Variants in TENM3 observed in about 807,000 individuals in gnomAD.
TENM3 encodes teneurin-3.
Under a neutral mutation model 255.1 loss-of-function variants are expected in TENM3, and 63 were observed. The observed-to-expected ratio is 0.25, with a 90% CI of 0.20 to 0.30. The LOEUF (loss-of-function observed/expected upper bound fraction) is 0.30. Ranked by LOEUF, TENM3 falls within the 10% of genes least tolerant of loss-of-function variation. TENM3 has a pLI of 1.00. For synonymous variants in TENM3, 1,306 were observed against 1,322.3 expected (o/e 0.99, Z 0.27); for missense variants, 2,929 against 3,461.1 (o/e 0.85, Z 3.86).
At chr4:181,664,486 C>A in the TENM3 span, among the ~76,000 whole-genome samples, 282 of 115,960 alleles carry the variant, frequency 2.4e-3, 1 homozygote, top group African/African-American at 6.5e-3. Flanking sequence ...TAAAAAAAAA[C>A]AAAACAAAAA....
At chr4:181,992,771 A>T in the TENM3 span, among the ~76,000 whole-genome samples, 1 of 152,200 alleles carries the variant, frequency 6.6e-6, no homozygotes, top group African/African-American at 2.4e-5. Context: ...AATTGACAAC[A>T]TCACTTTATC....
At chr4:181,560,222 G>A in the TENM3 span, among the ~76,000 whole-genome samples, 2 of 152,228 alleles carry the variant, frequency 1.3e-5, no homozygotes, top group South Asian at 2.1e-4. Flanking sequence ...GCTTCACATG[G>A]CAGAAGGAGT....
chr4:182,048,693 C>T, the TENM3 span, among the ~76,000 whole-genome samples: 1 of 152,116 alleles, frequency 6.6e-6, no homozygotes, highest in African/African-American at 2.4e-5. Context: ...AGAAAAATCC[C>T]TCTCAGACAC....
In TENM3 at chr4:182,697,635, C is replaced by T. The variant is rs955087166; in HGVS notation, c.2221+9284C>T. On this transcript the variant is annotated intron_variant, in intron 12 of 27. Coordinates refer to ENST00000511685, the MANE Select transcript of TENM3 (RefSeq NM_001080477.4). ...CATGTTCTGAGAACCGGGCTGATTT[C>T]GGTGTCTGTTTCTTCCATTGAGATG... 3.0e-4 allele frequency among the ~76,000 whole-genome samples: 45 copies of T among 152,142 alleles called. 2 individuals carry two copies. The highest frequency in any genetic ancestry group is 1.0e-4 in the Non-Finnish European group (7 of 68,026).
At chr4:181,780,105 A>C in the TENM3 span, among the ~76,000 whole-genome samples, 1 of 152,180 alleles carries the variant, frequency 6.6e-6, no homozygotes, top group Admixed American at 6.5e-5. Context: ...ATACATTTGC[A>C]TGTGTCTTTA....
At chr4:182,498,533 T>G (rs1018700088) in intron 3 of TENM3, among the ~76,000 whole-genome samples, 1 of 152,074 alleles carries the variant, frequency 6.6e-6, no homozygotes, top group African/African-American at 2.4e-5. Flanking sequence ...TGGCTTCCTA[T>G]GTACCCTCAG....
the TENM3 span, among the ~76,000 whole-genome samples, chr4:181,632,004 T>C: frequency 6.6e-6 from 1 of 152,172 alleles, no homozygotes; most frequent in East Asian, 1.9e-4. Context: ...GATAAACCTA[T>C]TGCTACTACA....
intron 13 of TENM3, among the ~76,000 whole-genome samples, chr4:182,720,766 CTTT>C (rs11369655): frequency 5.4e-5 from 7 of 129,780 alleles, no homozygotes; most frequent in Admixed American, 1.6e-4. Context: ...AGTCTCCCCT[CTTT>C]TTTTTTTTTT....
chr4:181,568,444 C>T, the TENM3 span, among the ~76,000 whole-genome samples: 3 of 152,118 alleles, frequency 2.0e-5, no homozygotes, highest in Non-Finnish European at 4.4e-5. Flanking sequence ...CACCCCTCAT[C>T]CTCCCAAAGT....
chr4:182,670,129 T>C (rs1381378334), intron 6 of TENM3, among the ~76,000 whole-genome samples: 2 of 151,978 alleles, frequency 1.3e-5, no homozygotes, highest in Non-Finnish European at 2.9e-5. Flanking sequence ...ATTATACATA[T>C]TTTTTCTCTC....
At chr4:182,621,198 T>C (rs1404405711) in intron 4 of TENM3, among the ~76,000 whole-genome samples, 1 of 151,452 alleles carries the variant, frequency 6.6e-6, no homozygotes, top group African/African-American at 2.4e-5. Context: ...AAAGATTTAG[T>C]AGAGATGAGG....
At chr4:181,915,526 A>C in the TENM3 span, among the ~76,000 whole-genome samples, 1 of 152,142 alleles carries the variant, frequency 6.6e-6, no homozygotes, top group Non-Finnish European at 1.5e-5. Flanking sequence ...AAGTGATTCA[A>C]AGAAAAAGAT....
the TENM3 span, among the ~76,000 whole-genome samples, chr4:181,729,340 C>G: frequency 6.6e-6 from 1 of 152,150 alleles, no homozygotes; most frequent in Non-Finnish European, 1.5e-5. Flanking sequence ...TCTAAACGTG[C>G]TTGCCAGGAT....
the TENM3 span, among the ~76,000 whole-genome samples, chr4:182,025,899 A>ATG: frequency 6.6e-6 from 1 of 152,130 alleles, no homozygotes; most frequent in Admixed American, 6.6e-5. Context: ...ATAGGTAGAC[A>ATG]TGTGCCATGT....
chr4:181,965,103 G>A, the TENM3 span, among the ~76,000 whole-genome samples: 1 of 152,110 alleles, frequency 6.6e-6, no homozygotes, highest in Non-Finnish European at 1.5e-5. Context: ...CAAGTTTGCT[G>A]TTGTAAAGTT....
At chr4:181,832,010 GTGTGTGTA>G in the TENM3 span, among the ~76,000 whole-genome samples, 5 of 140,918 alleles carry the variant, frequency 3.5e-5, no homozygotes, top group East Asian at 2.0e-4. Flanking sequence ...GTGTGTGTGT[GTGTGTGTA>G]TAAAATGTAA....
intron 4 of TENM3, among the ~76,000 whole-genome samples, chr4:182,621,456 C>A (rs574137646): frequency 5.3e-5 from 8 of 149,724 alleles, no homozygotes; most frequent in Non-Finnish European, 1.0e-4. Context: ...AGGAGGGGTA[C>A]TTCTGAGATT....
the TENM3 span, among the ~76,000 whole-genome samples, chr4:181,503,115 C>T: frequency 2.0e-5 from 3 of 152,138 alleles, no homozygotes; most frequent in South Asian, 4.1e-4. Context: ...ATAATTCCAG[C>T]ACCCTGGGAG....
chr4:182,480,116 T>C (rs150384207), intron 3 of TENM3, among the ~76,000 whole-genome samples: 300 of 152,166 alleles, frequency 2.0e-3, no homozygotes, highest in African/African-American at 7.0e-3. Context: ...AATTACGATC[T>C]ATATTATTGT....
Sources: gnomAD v4.1 joint callset for allele counts (sites outside exome capture counted in the v4.1 genomes callset) on GRCh38, gnomAD v4.1.1 for gene constraint, MANE v1.5 for transcripts, NCBI Gene and HGNC (gene_info 2026-07-23, HGNC 2026-07-21) for gene names.